Variants in NAALADL2 observed in about 807,000 individuals in gnomAD.
NAALADL2 encodes inactive N-acetylated-alpha-linked acidic dipeptidase-like protein 2.
A neutral mutation model predicts 87.2 loss-of-function variants in NAALADL2; 76 were observed. That is an observed-to-expected ratio of 0.87 (90% CI 0.72 to 1.05). The LOEUF (loss-of-function observed/expected upper bound fraction) is 1.05. Ranked by LOEUF, NAALADL2 falls within the 50% of genes least tolerant of loss-of-function variation. NAALADL2 has a pLI of 0.00. For synonymous variants in NAALADL2, 354 were observed against 331.0 expected, an observed-to-expected ratio of 1.07 and a Z score of -0.75; for missense variants, 1,089 against 945.8, an observed-to-expected ratio of 1.15 and a Z score of -1.99.
chr3:174,453,376 T>TGAGAACTTCTCCAAC (rs71300444), intron 1 of NAALADL2, among the ~76,000 whole-genome samples: 70,774 of 151,926 alleles, frequency 0.47, 18,073 homozygotes, highest in East Asian at 0.92. Flanking sequence ...ATATCCTCCA[T>TGAGAACTTCTCCAAC]CTAGATAGAG....
intron 2 of NAALADL2, among the ~76,000 whole-genome samples, chr3:174,618,904 A>G (rs1720735976): frequency 6.6e-6 from 1 of 151,942 alleles, no homozygotes; most frequent in South Asian, 2.1e-4. Flanking sequence ...CACAATTTTT[A>G]GTAAAACCAC....
intron 1 of NAALADL2, among the ~76,000 whole-genome samples, chr3:174,482,951 A>G (rs1261369339): frequency 6.6e-6 from 1 of 152,070 alleles, no homozygotes; most frequent in East Asian, 1.9e-4. Flanking sequence ...GGCGTGATCA[A>G]GAGTGATGTG....
chr3:174,581,970 T>C (rs1363344720), intron 2 of NAALADL2, among the ~76,000 whole-genome samples: 1 of 152,210 alleles, frequency 6.6e-6, no homozygotes, highest in African/African-American at 2.4e-5. Flanking sequence ...TAATTCTTTT[T>C]TGGCTGAGAC....
At chr3:175,354,879 T>TACACACAC (rs879346024) in intron 5 of NAALADL2, among the ~76,000 whole-genome samples, 79 of 116,988 alleles carry the variant, frequency 6.8e-4, no homozygotes, top group African/African-American at 2.0e-3. Context: ...CATACATATA[T>TACACACAC]ATACACACAC....
chr3:175,306,954 C>T (rs1359094853), intron 4 of NAALADL2, among the ~76,000 whole-genome samples: 3 of 152,154 alleles, frequency 2.0e-5, no homozygotes, highest in Admixed American at 2.0e-4. Flanking sequence ...ATTTCTCAGA[C>T]TTGTGGTAGG....
intron 2 of NAALADL2, among the ~76,000 whole-genome samples, chr3:174,721,103 A>G (rs62287771): frequency 5.5e-4 from 83 of 151,628 alleles, no homozygotes; most frequent in Non-Finnish European, 1.1e-3. Context: ...TTAATAATAA[A>G]ATGAGTACCC....
At chr3:175,024,322 A>G (rs185133002) in intron 1 of NAALADL2, among the ~76,000 whole-genome samples, 13 of 152,226 alleles carry the variant, frequency 8.5e-5, no homozygotes, top group East Asian at 1.9e-4. Flanking sequence ...TATAAAGCCA[A>G]TGAAACTCAG....
At chr3:175,241,141 T>C (rs1330102550) in intron 3 of NAALADL2, among the ~76,000 whole-genome samples, 1 of 152,246 alleles carries the variant, frequency 6.6e-6, no homozygotes, top group Admixed American at 6.5e-5. Context: ...TGTGACCTTC[T>C]GTTTCTCATT....
chr3:174,855,845 GATATGTATAT>G (rs1389264627), upstream of NAALADL2, among the ~76,000 whole-genome samples: 18 of 145,758 alleles, frequency 1.2e-4, no homozygotes, highest in African/African-American at 4.3e-4. Context: ...ATATATGAAA[GATATGTATAT>G]ATGTGTATAT....
chr3:175,357,951 C>T (rs932488208), intron 5 of NAALADL2, among the ~76,000 whole-genome samples: 116 of 152,224 alleles, frequency 7.6e-4, no homozygotes, highest in African/African-American at 2.6e-3. Context: ...CAGACACTGG[C>T]AAAGGTGGGG....
Position 175,097,150 on chromosome 3 carries a change from T to C in NAALADL2, c.404T>C (p.Leu135Ser), listed in dbSNP as rs560544260. The change falls in exon 2 of 14, where the codon TTA becomes TCA. Residue 135 changes from leucine to serine, a missense_variant. Coordinates refer to ENST00000454872, the MANE Select transcript of NAALADL2 (RefSeq NM_207015.3). ...AAAATACTTTGCACAGCCACCATTT[T>C]ATTTATTTTTGGGATTTTGATAGGT... ...VLKILCTATI[L>S]FIFGILIGYY... 6.2e-7 allele frequency: 1 copy of C among 1,613,822 alleles called. No individual in the cohort carries two copies. The highest frequency in any genetic ancestry group is 1.1e-5 in the South Asian group (1 of 91,082).
intron 13 of NAALADL2, among the ~76,000 whole-genome samples, chr3:175,791,319 G>C (rs141619782): frequency 6.6e-6 from 1 of 151,902 alleles, no homozygotes; most frequent in African/African-American, 2.4e-5. Flanking sequence ...TTTCTATATG[G>C]GGTGAGTCCC....
intron 5 of NAALADL2, among the ~76,000 whole-genome samples, chr3:175,368,714 A>G (rs1313212374): frequency 7.9e-5 from 12 of 152,150 alleles, no homozygotes; most frequent in African/African-American, 2.4e-4. Context: ...CATAGAGTGC[A>G]CATAACACAA....
intron 3 of NAALADL2, among the ~76,000 whole-genome samples, chr3:174,777,811 T>G (rs986626527): frequency 1.3e-5 from 2 of 152,114 alleles, no homozygotes; most frequent in Non-Finnish European, 2.9e-5. Context: ...CCTTTCCACA[T>G]ATACATGCAT....
intron 10 of NAALADL2, among the ~76,000 whole-genome samples, chr3:175,587,045 G>A (rs1720636752): frequency 6.6e-6 from 1 of 152,250 alleles, no homozygotes; most frequent in Admixed American, 6.5e-5. Context: ...GTGAAAGGAT[G>A]GTCCCAAGAG....
At chr3:175,190,944 C>CT (rs1406870081) in intron 2 of NAALADL2, among the ~76,000 whole-genome samples, 1 of 146,034 alleles carries the variant, frequency 6.8e-6, no homozygotes, top group Non-Finnish European at 1.5e-5. Context: ...AGCCACTGCA[C>CT]TCCAGCCTGG....
intron 3 of NAALADL2, among the ~76,000 whole-genome samples, chr3:174,830,881 A>G (rs1722598439): frequency 1.3e-5 from 2 of 151,708 alleles, no homozygotes; most frequent in East Asian, 1.9e-4. Flanking sequence ...TGTGAATGGG[A>G]GTTCACTCAT....
Position 174,968,520 on chromosome 3 carries a change from C to T in NAALADL2, c.43+109070C>T, listed in dbSNP as rs552158730. On this transcript the variant is annotated intron_variant, in intron 1 of 13. Transcript: ENST00000454872. The stretch of plus-strand genomic sequence containing the variant: ...TTCTAACTATTTTTTTTTTCTATCA[C>T]CCAGGCTGCAGTGTAGTGACATGAT... Among the ~76,000 whole-genome samples, 23 of 152,074 alleles carry T rather than the reference C, an allele frequency of 1.5e-4. No individual in the cohort carries two copies. In the South Asian group the frequency reaches 2.7e-3, roughly 18 times the overall value.
At chr3:175,794,992 C>G (rs1490632146) in intron 13 of NAALADL2, among the ~76,000 whole-genome samples, 5 of 152,168 alleles carry the variant, frequency 3.3e-5, no homozygotes, top group Non-Finnish European at 7.3e-5. Context: ...GCTGCATCCT[C>G]ACATGGTAGA....
Sources: gnomAD v4.1 joint callset for allele counts (sites outside exome capture counted in the v4.1 genomes callset) on GRCh38, gnomAD v4.1.1 for gene constraint, MANE v1.5 for transcripts, NCBI Gene and HGNC (gene_info 2026-07-23, HGNC 2026-07-21) for gene names.